MMP20: variants seen among roughly 807,000 people sequenced by gnomAD.
MMP20 encodes matrix metallopeptidase 20, also known as matrix metalloproteinase-20.
Under a neutral mutation model 51.8 loss-of-function variants are expected in MMP20, and 50 were observed. That is an observed-to-expected ratio of 0.97 (90% CI 0.77 to 1.22). MMP20 has a LOEUF of 1.22. MMP20 is among the 50% of genes most tolerant of loss of function. The pLI is 0.00. For synonymous variants in MMP20, 244 were observed against 216.2 expected, an observed-to-expected ratio of 1.13 and a Z score of -1.13; for missense variants, 663 against 601.4, an observed-to-expected ratio of 1.10 and a Z score of -1.07.
intron 8 of MMP20, among the ~76,000 whole-genome samples, chr11:102,580,486 C>T (rs1360952080): frequency 6.6e-6 from 1 of 152,194 alleles, no homozygotes; most frequent in Non-Finnish European, 1.5e-5. Context: ...CCAGGGATAA[C>T]TCTCTAGTGA....
At chr11:102,585,009 C>A (rs541917768) in intron 8 of MMP20, among the ~76,000 whole-genome samples, 1 of 152,222 alleles carries the variant, frequency 6.6e-6, no homozygotes, top group East Asian at 1.9e-4. Context: ...ATATCACAGT[C>A]TTAGTTACTG....
intron 6 of MMP20, among the ~76,000 whole-genome samples, chr11:102,598,836 C>T (rs374884072): frequency 6.1e-4 from 93 of 152,232 alleles, no homozygotes; most frequent in African/African-American, 2.2e-3. Flanking sequence ...AAGCTGACCC[C>T]ATCAGACTTT....
At chr11:102,580,258 T>C (rs749035390) in intron 8 of MMP20, among the ~76,000 whole-genome samples, 7 of 152,222 alleles carry the variant, frequency 4.6e-5, no homozygotes, top group Admixed American at 2.0e-4. Flanking sequence ...CAGCATGACT[T>C]GTATGAGAAT....
chr11:102,610,240 G>A (rs932068751), intron 3 of MMP20, among the ~76,000 whole-genome samples: 2 of 152,114 alleles, frequency 1.3e-5, no homozygotes, highest in Non-Finnish European at 2.9e-5. Context: ...AAGATAGTAA[G>A]CATTAGCAAT....
intron 8 of MMP20, among the ~76,000 whole-genome samples, chr11:102,584,752 T>C (rs910080348): frequency 6.6e-6 from 1 of 152,204 alleles, no homozygotes; most frequent in Non-Finnish European, 1.5e-5. Flanking sequence ...TTTTGTCAGA[T>C]TAGCTCTTAT....
chr11:102,583,054 C>A (rs1013414285), intron 8 of MMP20, among the ~76,000 whole-genome samples: 3 of 152,184 alleles, frequency 2.0e-5, no homozygotes, highest in Non-Finnish European at 2.9e-5. Flanking sequence ...TGATATTTTT[C>A]TTCTCAGTTC....
At chr11:102,596,456 G>A (rs1208967294) in intron 6 of MMP20, among the ~76,000 whole-genome samples, 1 of 152,114 alleles carries the variant, frequency 6.6e-6, no homozygotes, top group Non-Finnish European at 1.5e-5. Flanking sequence ...ACCATTATAA[G>A]GATAAAATGA....
chr11:102,602,470 G>A (rs1859460716), intron 6 of MMP20, among the ~76,000 whole-genome samples: 1 of 152,166 alleles, frequency 6.6e-6, no homozygotes, highest in Non-Finnish European at 1.5e-5. Context: ...AGCAGAGGGT[G>A]TGGAAGCAAA....
chr11:102,578,984 G>T, intron 9 of MMP20, 55 bp downstream of exon 9: 1 of 1,329,910 alleles, frequency 7.5e-7, no homozygotes, highest in Non-Finnish European at 1.1e-6. Context: ...TTAAAGCAAA[G>T]CCAAGATTTC....
chr11:102,588,631 A>C (rs907392854), intron 8 of MMP20, among the ~76,000 whole-genome samples: 1 of 152,360 alleles, frequency 6.6e-6, no homozygotes. Context: ...GAGAATAAAG[A>C]AGAAGAAATA....
At chr11:102,616,165 A>G (rs1406917457) in intron 2 of MMP20, among the ~76,000 whole-genome samples, 1 of 152,068 alleles carries the variant, frequency 6.6e-6, no homozygotes, top group East Asian at 1.9e-4. Context: ...TGGGGCTAAG[A>G]GTGGAACTGC....
chr11:102,579,715 T>A (rs1031513490), intron 8 of MMP20, among the ~76,000 whole-genome samples: 2 of 152,236 alleles, frequency 1.3e-5, no homozygotes, highest in Admixed American at 1.3e-4. Context: ...AGCTTGGAAG[T>A]CACTTGCTTA....
rs543672624 is a variant in MMP20 at position 102,585,854 on chromosome 11, C to T, written c.1248-6712G>A. ...TGTTGAATTTTGCCAAATGCTTTTA[C>T]TGTATCTACTGAGATGATCATATGA... On this transcript the variant is annotated intron_variant, in intron 8 of 9. Transcript: ENST00000260228. Among the ~76,000 whole-genome samples, 178 of 152,236 alleles carry T rather than the reference C, an allele frequency of 1.2e-3. 2 individuals carry two copies. Among genetic ancestry groups the T allele is most frequent in the African/African-American group, 4.1e-3 (171 of 41,548 alleles).
intron 3 of MMP20, among the ~76,000 whole-genome samples, chr11:102,610,951 G>T (rs1591620668): frequency 6.6e-6 from 1 of 152,022 alleles, no homozygotes; most frequent in Admixed American, 6.5e-5. Context: ...TTCATTCCTT[G>T]GCCTTCAAAG....
rs17099113 is a variant in MMP20 at position 102,617,817 on chromosome 11, C to T, written c.127-758G>A. On this transcript the variant is annotated intron_variant, in intron 1 of 9. Coordinates refer to ENST00000260228, the MANE Select transcript of MMP20 (RefSeq NM_004771.4). ...ACTCAGGGCTGGGATTAGGGTAAAA[C>T]GAGTGATGCAGGGGCATGCAAATAC... 6.7e-3 allele frequency among the ~76,000 whole-genome samples: 1,027 copies of T among 152,252 alleles called. 17 individuals are homozygous for T. The highest frequency in any genetic ancestry group is 0.024 in the African/African-American group (978 of 41,548).
At chr11:102,597,552 T>C (rs570015688) in intron 6 of MMP20, among the ~76,000 whole-genome samples, 3 of 152,248 alleles carry the variant, frequency 2.0e-5, no homozygotes, top group South Asian at 4.2e-4. Context: ...AGCAGTGCTA[T>C]TGGAGTCTAA....
chr11:102,604,971 CT>C (rs1859495429), intron 6 of MMP20, among the ~76,000 whole-genome samples: 1 of 152,194 alleles, frequency 6.6e-6, no homozygotes, highest in Non-Finnish European at 1.5e-5. Flanking sequence ...TGGGAATGCT[CT>C]GTGTTATGTG....
chr11:102,609,970 G>A lies in MMP20; in HGVS notation c.584C>T (p.Pro195Leu). The change falls in exon 4 of 10, where the codon CCT (proline) becomes CTT (leucine). Residue 195 changes from proline (P) to leucine (L), a missense_variant. Transcript: ENST00000260228. Reference protein sequence around the residue: ...PRGTLAHAFAPGEGLGGDTHF... With the variant: ...PRGTLAHAFALGEGLGGDTHF... ...TGTATCTCCTCCCAGGCCTTCTCCA[G>A]GAGCAAATGCATGGGCTAGAGTCCC... 2 of 1,614,134 alleles carry A rather than the reference G, an allele frequency of 1.2e-6. No homozygotes were observed. Among genetic ancestry groups the A allele is most frequent in the Non-Finnish European group, 1.7e-6 (2 of 1,180,020 alleles).
intron 2 of MMP20, among the ~76,000 whole-genome samples, chr11:102,612,406 A>G (rs1310041925): frequency 6.6e-6 from 1 of 152,258 alleles, no homozygotes; most frequent in African/African-American, 2.4e-5. Flanking sequence ...TGGAGGTTGC[A>G]GTGAGCCAAG....
Sources: gnomAD v4.1 joint callset for allele counts (sites outside exome capture counted in the v4.1 genomes callset) on GRCh38, gnomAD v4.1.1 for gene constraint, MANE v1.5 for transcripts, NCBI Gene and HGNC (gene_info 2026-07-23, HGNC 2026-07-21) for gene names.